PARP15: variants seen among roughly 807,000 people sequenced by gnomAD.
The protein encoded by PARP15 is poly(ADP-ribose) polymerase family member 15, also known as protein mono-ADP-ribosyltransferase PARP15.
In PARP15, 50 loss-of-function variants were observed where a neutral mutation model predicts 62.1. The ratio of observed to expected loss-of-function variants is 0.81; its 90% CI spans 0.64 to 1.02. The LOEUF (loss-of-function observed/expected upper bound fraction) is 1.02, where lower values mean the gene tolerates loss of function less well. PARP15 is among the 50% of genes least tolerant of loss of function. The probability of loss-of-function intolerance (pLI) is 0.00; values close to 1 mark genes in which losing one functional copy is unlikely to be tolerated. For missense variants in PARP15, 820 were observed against 826.5 expected, an observed-to-expected ratio of 0.99 and a Z score of 0.10; for synonymous variants, 309 against 293.1, an observed-to-expected ratio of 1.05 and a Z score of -0.55.
intron 1 of PARP15, among the ~76,000 whole-genome samples, chr3:122,587,129 A>G (rs527639162): frequency 1.3e-5 from 2 of 152,162 alleles, no homozygotes; most frequent in African/African-American, 4.8e-5. Context: ...TTGATAACTC[A>G]TTTCTTTTTA....
chr3:122,606,760 G>A (rs766252490), intron 2 of PARP15, among the ~76,000 whole-genome samples: 7 of 152,190 alleles, frequency 4.6e-5, no homozygotes, highest in Admixed American at 1.3e-4. Flanking sequence ...AGCATTCCAA[G>A]TGATTATCTT....
rs537346431 is a variant in PARP15 at position 122,638,435 on chromosome 3, A to G, written c.*2335A>G. On this transcript the variant is annotated 3_prime_UTR_variant, in exon 12 of 12. Coordinates refer to ENST00000464300, the MANE Select transcript of PARP15 (RefSeq NM_001113523.3). The stretch of plus-strand genomic sequence containing the variant: ...CCACCAACAGTGTAAAAGTGTTCCT[A>G]TTTCTCCACATCCTCTCCAGCACCT... The G allele has an allele frequency of 2.6e-5, 4 of 152,230 alleles. No homozygotes were observed. In the South Asian group the frequency reaches 6.2e-4, roughly 24 times the overall value. 9.4% of individuals were successfully genotyped at this position (152,230 alleles called of 1,614,324 possible). A position where few individuals can be genotyped will look rare whatever the true frequency, so the allele number is the denominator to read the frequency against.
chr3:122,611,949 G>A (rs1011638880), intron 3 of PARP15, among the ~76,000 whole-genome samples: 7 of 151,526 alleles, frequency 4.6e-5, no homozygotes, highest in African/African-American at 1.7e-4. Context: ...CCCGACTTCA[G>A]GTGATCTGCC....
chr3:122,635,081 A>G lies in PARP15; in HGVS notation c.1634A>G (p.Asp545Gly), dbSNP rs749224900. The G allele has an allele frequency of 1.2e-6, 2 of 1,614,124 alleles. No homozygotes were observed. The highest frequency in any genetic ancestry group is 1.3e-5 in the African/African-American group (1 of 75,060). ...TACCAGGTAAAGAAAAGGCAAATGG[A>G]TATCAAGAATGACCATAAGAATAAT... ...QSYQVKKRQMDIKNDHKNNER... is the reference protein window; with the variant it reads ...QSYQVKKRQMGIKNDHKNNER... Residue 545 changes from aspartate (D) to glycine (G), a missense_variant, in exon 11 of 12, where the codon GAT becomes GGT. This residue lies in a region of PARP15 where 731 missense variants were observed against 727.7 expected (regional missense o/e 1.00). Transcript: ENST00000464300.
chr3:122,599,098 C>T (rs1934586189), intron 1 of PARP15, among the ~76,000 whole-genome samples: 1 of 151,956 alleles, frequency 6.6e-6, no homozygotes, highest in Non-Finnish European at 1.5e-5. Flanking sequence ...GGTTTCACCA[C>T]TTTGGGCAGG....
At chr3:122,579,739 G>T (rs1421162687) in intron 1 of PARP15, among the ~76,000 whole-genome samples, 1 of 151,952 alleles carries the variant, frequency 6.6e-6, no homozygotes, top group African/African-American at 2.4e-5. Flanking sequence ...AGCACTTTGG[G>T]AGGCCAAGGT....
At position 122,638,239 on chromosome 3, in the gene PARP15, G is replaced by T. The variant is rs1470104710; in HGVS notation, c.*2139G>T. ...GTTGGTTCCAAGTCTTTGCTATTGT[G>T]AATAGTGCCGCAATAAACATACGTG... On this transcript the variant is annotated 3_prime_UTR_variant, in exon 12 of 12. Transcript: ENST00000464300. The T allele has an allele frequency of 6.6e-6, 1 of 152,090 alleles. No homozygotes were observed. The highest frequency in any genetic ancestry group is 1.5e-5 in the Non-Finnish European group (1 of 68,032). 9.4% of individuals were successfully genotyped at this position (152,090 alleles called of 1,614,324 possible). A position where few individuals can be genotyped will look rare whatever the true frequency, so the allele number is the denominator to read the frequency against.
At chr3:122,602,034 T>C (rs1934835175) in intron 1 of PARP15, among the ~76,000 whole-genome samples, 1 of 152,190 alleles carries the variant, frequency 6.6e-6, no homozygotes, top group Admixed American at 6.5e-5. Context: ...ATGACTTAGC[T>C]GCTGAGCCAC....
At chr3:122,616,857 C>G (rs139787106) in intron 5 of PARP15, among the ~76,000 whole-genome samples, 158 bp from the exon 6 acceptor site, 149 of 152,178 alleles carry the variant, frequency 9.8e-4, no homozygotes, top group South Asian at 1.9e-3. Context: ...AAAAAGAAAA[C>G]CAAGCTGTTT....
Position 122,592,618 on chromosome 3 carries a change from TAA to T in PARP15, c.187-13306_187-13305del, listed in dbSNP as rs59791124. Among the ~76,000 whole-genome samples the T allele has an allele frequency of 7.8e-4, 114 of 146,714 alleles. No homozygotes were observed. In the Middle Eastern group the frequency reaches 0.01, roughly 13 times the overall value. ...TTAAAATAAATATTAAAATTAAAATTAAAAAAAAAAAAAGAAAACCAGACAAG... is the reference window on the plus strand; with the variant it reads ...TTAAAATAAATATTAAAATTAAAATTAAAAAAAAAAAGAAAACCAGACAAG... On this transcript the variant is annotated intron_variant, in intron 1 of 11. Transcript: ENST00000464300.
intron 8 of PARP15, among the ~76,000 whole-genome samples, chr3:122,625,201 C>T (rs1268325319): frequency 6.6e-6 from 1 of 151,876 alleles, no homozygotes; most frequent in Non-Finnish European, 1.5e-5. Flanking sequence ...ACCCTGGTAC[C>T]TCAGATTTAG....
chr3:122,621,741 C>A, intron 8 of PARP15, 130 bp downstream of exon 8: 1 of 825,856 alleles, frequency 1.2e-6, no homozygotes, highest in Non-Finnish European at 1.7e-6. Context: ...GAGAGGGAGC[C>A]ATCTTTTAGA....
At chr3:122,580,045 GCACA>G (rs1288514919) in intron 1 of PARP15, among the ~76,000 whole-genome samples, 20 of 122,198 alleles carry the variant, frequency 1.6e-4, no homozygotes, top group African/African-American at 5.3e-4. Context: ...ATGCACGCGC[GCACA>G]CACACACACA....
intron 9 of PARP15, among the ~76,000 whole-genome samples, chr3:122,627,784 C>A (rs559309187): frequency 4.6e-5 from 7 of 152,202 alleles, no homozygotes; most frequent in African/African-American, 1.7e-4. Flanking sequence ...TCAGTTCTCT[C>A]TACATTTATT....
chr3:122,609,866 T>C (rs1418774769), intron 2 of PARP15, among the ~76,000 whole-genome samples: 1 of 152,104 alleles, frequency 6.6e-6, no homozygotes, highest in African/African-American at 2.4e-5. Context: ...GACCCTCACT[T>C]CACCAAAGGA....
chr3:122,624,724 T>C (rs1936583241), intron 8 of PARP15, among the ~76,000 whole-genome samples: 1 of 152,218 alleles, frequency 6.6e-6, no homozygotes, highest in African/African-American at 2.4e-5. Context: ...GCTGTAAACA[T>C]TTATGCGATA....
chr3:122,619,889 G>A lies in PARP15; in HGVS notation c.1063+46G>A, dbSNP rs1009818370. On this transcript the variant is annotated intron_variant, in intron 7 of 11. Transcript: ENST00000464300. ...TGACTACAAACTTGAAAATCAGAGG[G>A]CTGAGATTACAGTGAGAGGATGTAC... is the stretch of plus-strand genomic sequence containing the variant. The A allele has an allele frequency of 1.7e-5, 26 of 1,516,946 alleles. No homozygotes were observed. The East Asian group carries it at 5.6e-4, about 33-fold the overall frequency. 94.0% of individuals were successfully genotyped at this position (1,516,946 alleles called of 1,614,324 possible).
At chr3:122,599,763 TG>T (rs1170523373) in intron 1 of PARP15, among the ~76,000 whole-genome samples, 1 of 152,090 alleles carries the variant, frequency 6.6e-6, no homozygotes, top group African/African-American at 2.4e-5. Context: ...TTCATAGAGA[TG>T]GGGTTTTGCT....
intron 1 of PARP15, among the ~76,000 whole-genome samples, chr3:122,605,402 T>C (rs149428068): frequency 0.016 from 2,407 of 152,244 alleles, 64 homozygotes; most frequent in African/African-American, 0.053. Context: ...GGGGAATAAG[T>C]AAAAAACTCA....
Sources: gnomAD v4.1 joint callset for allele counts (sites outside exome capture counted in the v4.1 genomes callset) on GRCh38, gnomAD v4.1.1 for gene constraint, gnomAD v4.1.1 regional missense constraint, MANE v1.5 for transcripts, NCBI Gene and HGNC (gene_info 2026-07-23, HGNC 2026-07-21) for gene names.